ZNF691: variants seen among roughly 807,000 people sequenced by gnomAD.
ZNF691 encodes the protein zinc finger protein 691.
Under a neutral mutation model 24.1 loss-of-function variants are expected in ZNF691, and 11 were observed. That is an observed-to-expected ratio of 0.46 (90% CI 0.29 to 0.75). ZNF691 has a LOEUF of 0.75. Among genes scored for constraint, ZNF691 ranks in the 30% least tolerant of loss-of-function variants. The pLI is 0.11. For missense variants in ZNF691, 356 were observed against 409.0 expected (o/e 0.87, Z 1.12); for synonymous variants, 149 against 153.9 (o/e 0.97, Z 0.23).
intron 3 of ZNF691, among the ~76,000 whole-genome samples, chr1:42,850,144 G>C (rs1655341826): frequency 2.0e-5 from 3 of 151,956 alleles, no homozygotes. Flanking sequence ...GAGTATGTCA[G>C]GTATGTGAGT....
chr1:42,848,634 C>T (rs1655300406), intron 1 of ZNF691, among the ~76,000 whole-genome samples: 1 of 151,838 alleles, frequency 6.6e-6, no homozygotes, highest in African/African-American at 2.4e-5. Flanking sequence ...TATATGGCTG[C>T]CACTACTCTA....
rs1303241209 is a variant in ZNF691 at position 42,846,676 on chromosome 1, C to G, written c.-218+19C>G. 6.6e-6 allele frequency: 1 copy of G among 152,576 alleles called. No homozygotes were observed. The highest frequency in any genetic ancestry group is 1.5e-5 in the Non-Finnish European group (1 of 68,332). The allele number at this position is 152,576 out of a possible 1,614,324, so 9.5% of individuals were successfully genotyped here. A position where few individuals can be genotyped will look rare whatever the true frequency, so the allele number is the denominator to read the frequency against. ...GAGCGAGGTGGGTCCGGGTTGGGCC[C>G]GAGGTCGCGGGGGGAGGCGGACACG... On this transcript the variant is annotated intron_variant, in intron 1 of 3. Coordinates refer to ENST00000651192, the MANE Select transcript of ZNF691 (RefSeq NM_001242739.2).
At position 42,847,071 on chromosome 1, in the gene ZNF691, A is replaced by ACACTTCTGGCAGCCTTTGC. The variant is rs1286112559; in HGVS notation, c.-218+415_-218+433dup. Among the ~76,000 whole-genome samples, 437 of 152,162 alleles carry ACACTTCTGGCAGCCTTTGC rather than the reference A, an allele frequency of 2.9e-3. 2 individuals are homozygous for ACACTTCTGGCAGCCTTTGC. Among genetic ancestry groups the ACACTTCTGGCAGCCTTTGC allele is most frequent in the African/African-American group, 0.01 (415 of 41,496 alleles). ...CTCAGCTCTTGGGCCCTGGCCTGTG[A>ACACTTCTGGCAGCCTTTGC]CACTTCTGGCAGCCTTTGCTTCCTC... On this transcript the variant is annotated intron_variant, in intron 1 of 3. Transcript: ENST00000651192.
At chr1:42,849,523 T>C (rs1655322692) in intron 2 of ZNF691, 42 bp from the exon 3 acceptor site, 1 of 741,946 alleles carries the variant, frequency 1.3e-6, no homozygotes, top group Non-Finnish European at 2.4e-6. Context: ...ACCCTAAATG[T>C]AGTCAGTACC....
Position 42,851,837 on chromosome 1 carries a change from GGA to G in ZNF691, c.*32_*33del, listed in dbSNP as rs1655404934. On this transcript the variant is annotated 3_prime_UTR_variant, in exon 4 of 4. Coordinates refer to ENST00000651192, the MANE Select transcript of ZNF691 (RefSeq NM_001242739.2). The surrounding 1 kb of genome is among the most constrained non-coding windows in gnomAD (Gnocchi z 4.7). ...GAAGGAGAGCCCCATTTAGAGTGAG[GGA>G]GAGAGAGTGAGAGACCCTAACCTAT... is the stretch of plus-strand genomic sequence containing the variant. 1.2e-6 allele frequency: 2 copies of G among 1,613,848 alleles called. No individual in the cohort carries two copies. The highest frequency in any genetic ancestry group is 1.7e-6 in the Non-Finnish European group (2 of 1,179,880).
rs1557620930 is a variant in ZNF691, at chr1:42,849,758, A to G, written c.84+16A>G. ...CTCATCAGAGGTACTTTTCCCCCCAACTCTTTCCCTGTCCTTGGCTGTAGG... is the reference window on the plus strand; with the variant it reads ...CTCATCAGAGGTACTTTTCCCCCCAGCTCTTTCCCTGTCCTTGGCTGTAGG... On this transcript the variant is annotated intron_variant, in intron 3 of 3. Coordinates refer to ENST00000651192, the MANE Select transcript of ZNF691 (RefSeq NM_001242739.2). 12 of 1,547,832 alleles carry G rather than the reference A, an allele frequency of 7.8e-6. No individual in the cohort carries two copies. Among genetic ancestry groups the G allele is most frequent in the Admixed American group, 3.9e-5 (2 of 50,968 alleles).
chr1:42,851,904 C>T lies in ZNF691; in HGVS notation c.*91C>T. 6.4e-7 allele frequency: 1 copy of T among 1,561,122 alleles called. No individual in the cohort carries two copies. ...CAGCATCTTTTGCTGCTACCTTGAC[C>T]TCAAGCCCTTCATCCCACTTTGGAG... On this transcript the variant is annotated 3_prime_UTR_variant, in exon 4 of 4. Coordinates refer to ENST00000651192, the MANE Select transcript of ZNF691 (RefSeq NM_001242739.2). The surrounding 1 kb of genome is among the most constrained non-coding windows in gnomAD (Gnocchi z 4.7).
chr1:42,847,396 TCTC>T (rs1655269967), intron 1 of ZNF691, among the ~76,000 whole-genome samples: 1 of 152,036 alleles, frequency 6.6e-6, no homozygotes, highest in Non-Finnish European at 1.5e-5. Context: ...CTCCTCCACT[TCTC>T]AGCCCCTTCC....
In ZNF691 at chr1:42,851,189, T is replaced by G. The variant is rs1237935943; in HGVS notation, c.324T>G (p.His108Gln). The G allele has an allele frequency of 1.8e-5, 29 of 1,614,218 alleles. No individual in the cohort carries two copies. The highest frequency in any genetic ancestry group is 2.5e-5 in the Non-Finnish European group (29 of 1,180,044). ...ELGDPIAHPR[H>Q]EADEKPFICA... ...GGGACCCCATTGCTCATCCAAGGCATGAGGCAGATGAGAAGCCCTTTATAT... is the reference window on the plus strand; with the variant it reads ...GGGACCCCATTGCTCATCCAAGGCAGGAGGCAGATGAGAAGCCCTTTATAT... Residue 108 changes from histidine (H) to glutamine (Q), a missense_variant, in exon 4 of 4, where the codon CAT becomes CAG. Transcript: ENST00000651192. This position sits in a 1 kb window ranked among gnomAD's most constrained non-coding sequence, Gnocchi z 4.7.
Position 42,851,585 on chromosome 1 carries a change from C to T in ZNF691, c.720C>T (p.Ser240=). 3 of 1,614,194 alleles carry T rather than the reference C, an allele frequency of 1.9e-6. No homozygotes were observed. The highest frequency in any genetic ancestry group is 2.5e-6 in the Non-Finnish European group (3 of 1,180,028). ...GTGGGAAGAGCTTCAGCAACAGCTC[C>T]AGCTTTGGCGTGCATCACCGCACCC... ...CECGKSFSNS[S]SFGVHHRTHT... is the part of the protein sequence containing the mutation. Residue 240 remains serine (S), a synonymous_variant, in exon 4 of 4, where the codon TCC becomes TCT. Transcript: ENST00000651192. This position sits in a 1 kb window ranked among gnomAD's most constrained non-coding sequence, Gnocchi z 4.7.
At chr1:42,847,262 T>G (rs1488648759) in intron 1 of ZNF691, among the ~76,000 whole-genome samples, 2 of 152,194 alleles carry the variant, frequency 1.3e-5, no homozygotes, top group Non-Finnish European at 2.9e-5. Flanking sequence ...CCCAAAGACC[T>G]GTAACTTCGG....
At chr1:42,850,364 A>C in intron 3 of ZNF691, 2 of 977,154 alleles carry the variant, frequency 2.0e-6, no homozygotes, top group Non-Finnish European at 2.4e-6. Context: ...GTATTAACCC[A>C]GATGTTTACT....
At position 42,849,601 on chromosome 1, in the gene ZNF691, A is replaced by G; in HGVS notation, c.-58A>G. On this transcript the variant is annotated 5_prime_UTR_variant, in exon 3 of 4. Coordinates refer to ENST00000651192, the MANE Select transcript of ZNF691 (RefSeq NM_001242739.2). ...GACTTGAAGGAATTATCAGTCTTTC[A>G]TTTTCTATCATCAGTGTCCTATGAT... The G allele has an allele frequency of 1.5e-6, 2 of 1,297,398 alleles. No individual in the cohort carries two copies. The highest frequency in any genetic ancestry group is 2.2e-6 in the Non-Finnish European group (2 of 916,078). 80.4% of individuals were successfully genotyped at this position (1,297,398 alleles called of 1,614,324 possible). A position where few individuals can be genotyped will look rare whatever the true frequency, so the allele number is the denominator to read the frequency against.
At chr1:42,847,436 G>A (rs975968811) in intron 1 of ZNF691, among the ~76,000 whole-genome samples, 11 of 152,236 alleles carry the variant, frequency 7.2e-5, no homozygotes, top group Non-Finnish European at 1.3e-4. Context: ...GTGCAGCTGA[G>A]CCACCAGGAA....
chr1:42,848,088 A>G (rs917943473), intron 1 of ZNF691, among the ~76,000 whole-genome samples: 1 of 152,224 alleles, frequency 6.6e-6, no homozygotes, highest in African/African-American at 2.4e-5. Flanking sequence ...CTGTATCACA[A>G]ACTGAGTGGT....
intron 3 of ZNF691, chr1:42,850,442 C>T: frequency 2.0e-6 from 2 of 985,254 alleles, no homozygotes; most frequent in Non-Finnish European, 2.4e-6. Flanking sequence ...CAAAGCTGGG[C>T]CTTGTCACCT....
intron 1 of ZNF691, among the ~76,000 whole-genome samples, chr1:42,848,198 C>T (rs746062506): frequency 1.3e-5 from 2 of 152,084 alleles, no homozygotes; most frequent in African/African-American, 2.4e-5. Flanking sequence ...ATAGCAGTTT[C>T]GGAAGTGAGT....
At chr1:42,850,081 CTGTGTGTGG>C (rs2124389351) in intron 3 of ZNF691, among the ~76,000 whole-genome samples, 1 of 151,710 alleles carries the variant, frequency 6.6e-6, no homozygotes, top group East Asian at 1.9e-4. Context: ...TAATGTATGG[CTGTGTGTGG>C]TGTGTAGGTG....
chr1:42,851,620 A>C lies in ZNF691; in HGVS notation c.755A>C (p.Glu252Ala). Residue 252 changes from glutamate to alanine, a missense_variant, in exon 4 of 4, where the codon GAG becomes GCG. By Grantham distance (107) the Glu-to-Ala change is moderately radical. Coordinates refer to ENST00000651192, the MANE Select transcript of ZNF691 (RefSeq NM_001242739.2). The surrounding 1 kb of genome is among the most constrained non-coding windows in gnomAD (Gnocchi z 4.7). The part of the protein sequence containing the change: ...FGVHHRTHTG[E>A]RPYECTECGR... ...GTGCATCACCGCACCCACACAGGTGAGAGACCTTATGAGTGCACTGAGTGT... is the reference window on the plus strand; with the variant it reads ...GTGCATCACCGCACCCACACAGGTGCGAGACCTTATGAGTGCACTGAGTGT... 6.2e-7 allele frequency: 1 copy of C among 1,614,144 alleles called. No homozygotes were observed. The highest frequency in any genetic ancestry group is 8.5e-7 in the Non-Finnish European group (1 of 1,180,028).
Sources: gnomAD v4.1 joint callset for allele counts (sites outside exome capture counted in the v4.1 genomes callset) on GRCh38, gnomAD v4.1.1 for gene constraint, Gnocchi (gnomAD v3.1) non-coding constraint, MANE v1.5 for transcripts, NCBI Gene and HGNC (gene_info 2026-07-23, HGNC 2026-07-21) for gene names.